Variants in HS6ST2 observed in about 807,000 individuals in gnomAD.
HS6ST2 encodes heparan-sulfate 6-O-sulfotransferase 2.
HS6ST2 carries 17 observed loss-of-function variants against 33.0 expected under a neutral mutation model. That is an observed-to-expected ratio of 0.52 (90% CI 0.35 to 0.77). HS6ST2 has a LOEUF of 0.77. HS6ST2 is among the 30% of genes least tolerant of loss of function. The probability of loss-of-function intolerance (pLI) is 0.01; values close to 1 mark genes in which losing one functional copy is unlikely to be tolerated. For missense variants in HS6ST2, 519 were observed against 551.7 expected (o/e 0.94, Z 0.59); for synonymous variants, 248 against 237.1 (o/e 1.05, Z -0.42).
chrX:132,726,271 T>C (rs958579274), intron 2 of HS6ST2, among the ~76,000 whole-genome samples: 8 of 110,835 alleles, frequency 7.2e-5, no homozygotes, highest in Non-Finnish European at 1.3e-4. Context: ...ACATCTCAAG[T>C]ACCCCAGAAA....
intron 2 of HS6ST2, among the ~76,000 whole-genome samples, chrX:132,722,970 A>C (rs2064350174): frequency 9.0e-6 from 1 of 111,669 alleles, no homozygotes; most frequent in Non-Finnish European, 1.9e-5. Context: ...CAAATAAATA[A>C]AAAATCAGAA....
intron 2 of HS6ST2, among the ~76,000 whole-genome samples, chrX:132,918,832 C>A (rs1351231561): frequency 2.7e-5 from 3 of 112,058 alleles, no homozygotes; most frequent in African/African-American, 9.7e-5. Flanking sequence ...GCTAACTCTT[C>A]TGATGACACC....
intron 2 of HS6ST2, among the ~76,000 whole-genome samples, chrX:132,803,341 G>C (rs934788285): frequency 1.8e-5 from 2 of 111,643 alleles, no homozygotes; most frequent in Non-Finnish European, 3.8e-5. Context: ...ACCCATACAA[G>C]AGAAGGGCCC....
In HS6ST2 at chrX:132,954,861, G is replaced by A. The variant is rs931536093; in HGVS notation, c.947+1947C>T. 2.7e-5 allele frequency among the ~76,000 whole-genome samples: 3 copies of A among 111,878 alleles called. No homozygotes were observed. The Admixed American group carries it at 2.8e-4, about 11-fold the overall frequency. The stretch of plus-strand genomic sequence containing the variant: ...TGGGACAATCCAAGAGGCTTTGAGG[G>A]GTTCTGGTTATCTTCTGGAGAATGC... On this transcript the variant is annotated intron_variant, in intron 2 of 4. Transcript: ENST00000370833.
intron 2 of HS6ST2, among the ~76,000 whole-genome samples, chrX:132,898,690 C>T (rs192951462): frequency 3.6e-5 from 4 of 110,516 alleles, no homozygotes; most frequent in East Asian, 5.7e-4. Flanking sequence ...AGGCTTTCCA[C>T]GATGCAGTGC....
intron 2 of HS6ST2, among the ~76,000 whole-genome samples, chrX:132,763,796 G>C (rs758586083): frequency 8.1e-4 from 91 of 112,009 alleles, no homozygotes; most frequent in African/African-American, 2.7e-3. Flanking sequence ...GAGGTGTGAA[G>C]AGTTGTCATC....
chrX:132,792,920 C>T (rs2065131279), intron 2 of HS6ST2, among the ~76,000 whole-genome samples: 1 of 110,159 alleles, frequency 9.1e-6, no homozygotes, highest in Admixed American at 9.9e-5. Flanking sequence ...ATTGCTTCCA[C>T]CTTTTAGCTG....
intron 2 of HS6ST2, among the ~76,000 whole-genome samples, chrX:132,862,502 G>C (rs1451151568): frequency 8.9e-6 from 1 of 111,995 alleles, no homozygotes; most frequent in Admixed American, 9.5e-5. Flanking sequence ...TTGAACTGTA[G>C]CTTCTCTACA....
At chrX:132,641,243 A>C (rs1280821065) in intron 4 of HS6ST2, among the ~76,000 whole-genome samples, 1 of 112,548 alleles carries the variant, frequency 8.9e-6, no homozygotes, top group Non-Finnish European at 1.9e-5. Context: ...TCCCAGGTTT[A>C]AGTGATTCTC....
At chrX:132,630,056 A>G (rs963650265) in intron 4 of HS6ST2, among the ~76,000 whole-genome samples, 2 of 111,913 alleles carry the variant, frequency 1.8e-5, no homozygotes, top group African/African-American at 6.5e-5. Flanking sequence ...CACTCACACC[A>G]TACATGGTAG....
intron 2 of HS6ST2, among the ~76,000 whole-genome samples, chrX:132,887,308 T>TGG (rs2066262561): frequency 8.9e-6 from 1 of 111,852 alleles, no homozygotes; most frequent in Non-Finnish European, 1.9e-5. Flanking sequence ...AAAGAGCTCT[T>TGG]ACAACTCAAT....
intron 3 of HS6ST2, among the ~76,000 whole-genome samples, chrX:132,686,535 G>A (rs962552395): frequency 9.0e-6 from 1 of 111,569 alleles, no homozygotes; most frequent in Non-Finnish European, 1.9e-5. Context: ...AATAGCAACA[G>A]TGTGTGATGC....
In HS6ST2 at chrX:132,791,639, A is replaced by G. The variant is rs141478172; in HGVS notation, c.948-83145T>C. Among the ~76,000 whole-genome samples, 584 of 112,163 alleles carry G rather than the reference A, an allele frequency of 5.2e-3. 3 individuals are homozygous for G. Among genetic ancestry groups the G allele is most frequent in the African/African-American group, 0.017 (526 of 30,891 alleles). ...AAACTGGGTGTACCTTGAGGTGTGAACTAGCAAAAAAGTTTTTCTTTTCTT... is the reference window on the plus strand; with the variant it reads ...AAACTGGGTGTACCTTGAGGTGTGAGCTAGCAAAAAAGTTTTTCTTTTCTT... On this transcript the variant is annotated intron_variant, in intron 2 of 4. Coordinates refer to ENST00000370833, the MANE Select transcript of HS6ST2 (RefSeq NM_001394073.1).
In HS6ST2 at chrX:132,958,237, C is replaced by T. The variant is rs200081354; in HGVS notation, c.366G>A (p.Leu122=). The change falls in exon 1 of 5, where the codon CTG becomes CTA. Residue 122 remains leucine (L), a synonymous_variant. Coordinates refer to ENST00000370833, the MANE Select transcript of HS6ST2 (RefSeq NM_001394073.1). ...RALLTRGLAA[L]GHSLKHVLGA... ...CGAGCACGTGCTTCAGCGAGTGGCCCAGGGCGGCCAGGCCCCGAGTGAGCA... is the reference window on the plus strand; with the variant it reads ...CGAGCACGTGCTTCAGCGAGTGGCCTAGGGCGGCCAGGCCCCGAGTGAGCA... 109 of 1,179,113 alleles carry T rather than the reference C, an allele frequency of 9.2e-5. No individual in the cohort carries two copies. The African/African-American group carries it at 1.7e-3, about 19-fold the overall frequency.
At chrX:132,630,539 C>A (rs1036574844) in intron 4 of HS6ST2, among the ~76,000 whole-genome samples, 2 of 111,940 alleles carry the variant, frequency 1.8e-5, no homozygotes, top group Admixed American at 9.5e-5. Flanking sequence ...TCCTTCAATA[C>A]CAGTTCAAGT....
intron 2 of HS6ST2, among the ~76,000 whole-genome samples, chrX:132,714,415 C>T (rs987015138): frequency 2.3e-4 from 26 of 110,752 alleles, no homozygotes; most frequent in African/African-American, 7.2e-4. Context: ...CAGGATCAAG[C>T]GATTCTCCTG....
chrX:132,850,731 T>TACACACACACAC (rs111520127), intron 2 of HS6ST2, among the ~76,000 whole-genome samples: 77 of 106,012 alleles, frequency 7.3e-4, no homozygotes, highest in African/African-American at 2.1e-3. Context: ...TTTCTACATC[T>TACACACACACAC]ACACACACAC....
chrX:132,740,003 T>C (rs915621239), intron 2 of HS6ST2, among the ~76,000 whole-genome samples: 1 of 111,565 alleles, frequency 9.0e-6, no homozygotes, highest in Admixed American at 9.6e-5. Context: ...GAATTCTTTA[T>C]GTGAAATCTA....
chrX:132,755,868 T>C (rs1222789317), intron 2 of HS6ST2, among the ~76,000 whole-genome samples: 3 of 112,126 alleles, frequency 2.7e-5, no homozygotes, highest in Non-Finnish European at 5.6e-5. Flanking sequence ...TGTTGATTAC[T>C]GATTTTTTGG....
Sources: allele counts gnomAD v4.1 joint callset (sites outside exome capture counted in the v4.1 genomes callset), GRCh38; gene constraint gnomAD v4.1.1; transcripts MANE v1.5; gene names NCBI Gene and HGNC (gene_info 2026-07-23, HGNC 2026-07-21).